DENND2B: variants seen among roughly 807,000 people sequenced by gnomAD.
DENND2B encodes DENN domain-containing protein 2B.
Under a neutral mutation model 116.0 loss-of-function variants are expected in DENND2B, and 32 were observed. The ratio of observed to expected loss-of-function variants is 0.28; its 90% CI spans 0.21 to 0.37. The LOEUF (loss-of-function observed/expected upper bound fraction) is 0.37, where lower values mean the gene tolerates loss of function less well. Among genes scored for constraint, DENND2B ranks in the 10% least tolerant of loss-of-function variants. The pLI, the probability that DENND2B is intolerant of heterozygous loss-of-function variation, is 1.00. For missense variants in DENND2B, 1,276 were observed against 1,477.7 expected (o/e 0.86, Z 2.24); for synonymous variants, 588 against 583.9 (o/e 1.01, Z -0.10).
intron 1 of DENND2B, among the ~76,000 whole-genome samples, chr11:8,777,239 C>A (rs765626761): frequency 1.7e-4 from 26 of 152,110 alleles, no homozygotes; most frequent in Non-Finnish European, 3.4e-4. Flanking sequence ...GCCACCCCCA[C>A]CCAGGCACCC....
intron 4 of DENND2B, among the ~76,000 whole-genome samples, chr11:8,719,494 C>T (rs2045756509): frequency 6.6e-6 from 1 of 152,198 alleles, no homozygotes; most frequent in Admixed American, 6.5e-5. Flanking sequence ...CAGACCTTTT[C>T]CTGTAACACA....
chr11:8,722,415 G>A (rs2046345225), intron 4 of DENND2B, among the ~76,000 whole-genome samples: 2 of 152,178 alleles, frequency 1.3e-5, no homozygotes, highest in Admixed American at 1.3e-4. Context: ...TGATCCAGCG[G>A]GGTCAGAGTC....
At chr11:8,806,588 C>A (rs531875193) in intron 1 of DENND2B, among the ~76,000 whole-genome samples, 3 of 31,718 alleles carry the variant, frequency 9.5e-5, no homozygotes, top group Non-Finnish European at 2.7e-4. Context: ...TCATTTAACA[C>A]CCTCCTCTCC....
At position 8,715,591 on chromosome 11, in the gene DENND2B, T is replaced by G. The variant is rs2044605041; in HGVS notation, c.1845+12A>C. On this transcript the variant is annotated intron_variant, in intron 6 of 19. Transcript: ENST00000313726. Reference sequence around the variant, plus strand: ...CTGCCCGGCTCCAGTGGGCTGCCTCTGGGGAGGGTACCTTGGGAATGCGGC... The same window carrying G: ...CTGCCCGGCTCCAGTGGGCTGCCTCGGGGGAGGGTACCTTGGGAATGCGGC... The G allele has an allele frequency of 6.2e-7, 1 of 1,611,292 alleles. No homozygotes were observed. Among genetic ancestry groups the G allele is most frequent in the South Asian group, 1.1e-5 (1 of 90,910 alleles).
At chr11:8,799,941 T>C (rs897662537) in intron 1 of DENND2B, among the ~76,000 whole-genome samples, 4 of 147,322 alleles carry the variant, frequency 2.7e-5, no homozygotes, top group African/African-American at 1.0e-4. Flanking sequence ...TTATTATTAT[T>C]ATTATTATTA....
intron 4 of DENND2B, among the ~76,000 whole-genome samples, chr11:8,837,694 TC>T (rs2062483870): frequency 6.6e-6 from 1 of 152,048 alleles, no homozygotes; most frequent in Non-Finnish European, 1.5e-5. Context: ...CCAAATACCC[TC>T]CCCTTCCTTG....
At chr11:8,860,169 A>T (rs2063344856) in intron 2 of DENND2B, among the ~76,000 whole-genome samples, 1 of 152,206 alleles carries the variant, frequency 6.6e-6, no homozygotes, top group Non-Finnish European at 1.5e-5. Flanking sequence ...TTATAAAATG[A>T]CCTTAGGAAG....
chr11:8,731,089 G>C lies in DENND2B; in HGVS notation c.201C>G (p.Leu67=). Residue 67 remains leucine (L), a synonymous_variant, in exon 3 of 20, where the codon CTC becomes CTG. Coordinates refer to ENST00000313726, the MANE Select transcript of DENND2B (RefSeq NM_213618.2). Reference sequence around the variant, plus strand: ...AAGGAGCTGGGGGGTGCCGGTCCTTGAGGAGCACCCGGGAGCTGGAGTGGC... The same window carrying C: ...AAGGAGCTGGGGGGTGCCGGTCCTTCAGGAGCACCCGGGAGCTGGAGTGGC... The part of the protein sequence containing the change: ...YPSHSSSRVL[L]KDRHPPAPSP... The C allele has an allele frequency of 6.2e-7, 1 of 1,611,992 alleles. No individual in the cohort carries two copies. The highest frequency in any genetic ancestry group is 1.1e-5 in the South Asian group (1 of 90,902).
intron 1 of DENND2B, among the ~76,000 whole-genome samples, chr11:8,759,438 T>C (rs144602214): frequency 9.2e-4 from 140 of 152,142 alleles, no homozygotes; most frequent in Admixed American, 3.9e-3. Flanking sequence ...GCACTCTGCT[T>C]TATAGCCGAG....
chr11:8,848,625 GTAAAT>G (rs1418993241), intron 3 of DENND2B, among the ~76,000 whole-genome samples: 1 of 152,096 alleles, frequency 6.6e-6, no homozygotes, highest in Non-Finnish European at 1.5e-5. Context: ...ATATTATTGG[GTAAAT>G]AACATAATGT....
chr11:8,817,066 GAAGA>G lies in DENND2B; in HGVS notation c.-114-5735_-114-5732del, dbSNP rs201799001. ...TCCTGCCTAAGGAGGGCTGGACAGA[GAAGA>G]AAGGTGCTAAATTACAGAATGGGGA... On this transcript the variant is annotated intron_variant, in intron 4 of 6. Transcript: ENST00000524757. 5.9e-3 allele frequency among the ~76,000 whole-genome samples: 901 copies of G among 152,316 alleles called. 17 individuals carry two copies. Among genetic ancestry groups the G allele is most frequent in the Admixed American group, 0.038 (587 of 15,304 alleles).
At chr11:8,773,173 C>T (rs926983193) in intron 1 of DENND2B, among the ~76,000 whole-genome samples, 1 of 152,270 alleles carries the variant, frequency 6.6e-6, no homozygotes. Context: ...ACTGCAGACC[C>T]CTTTCCCTTA....
At chr11:8,866,621 T>G (rs1594301190) in intron 2 of DENND2B, among the ~76,000 whole-genome samples, 2 of 152,190 alleles carry the variant, frequency 1.3e-5, no homozygotes, top group South Asian at 4.1e-4. Flanking sequence ...GGAACCAAGG[T>G]GCTAATCAGG....
At chr11:8,854,733 G>T (rs934415422) in intron 3 of DENND2B, among the ~76,000 whole-genome samples, 1 of 151,922 alleles carries the variant, frequency 6.6e-6, no homozygotes, top group Admixed American at 6.6e-5. Context: ...TCTTTTTCCA[G>T]ACAGAGTCTC....
chr11:8,858,379 G>C (rs551572981), intron 2 of DENND2B, among the ~76,000 whole-genome samples: 2 of 152,208 alleles, frequency 1.3e-5, no homozygotes, highest in South Asian at 2.1e-4. Context: ...AAAAAGAAAG[G>C]AGGGGATTAA....
intron 3 of DENND2B, among the ~76,000 whole-genome samples, chr11:8,841,768 G>A (rs764897630): frequency 1.3e-5 from 2 of 152,198 alleles, no homozygotes; most frequent in African/African-American, 4.8e-5. Flanking sequence ...CACCACCATG[G>A]ACTACATGAC....
intron 16 of DENND2B, among the ~76,000 whole-genome samples, chr11:8,698,368 A>G (rs2040837730): frequency 6.6e-6 from 1 of 152,148 alleles, no homozygotes; most frequent in Non-Finnish European, 1.5e-5. Flanking sequence ...CTGTGTCCAC[A>G]TCACTATGCC....
intron 2 of DENND2B, among the ~76,000 whole-genome samples, chr11:8,742,676 T>C (rs1289731209): frequency 2.0e-5 from 3 of 152,238 alleles, no homozygotes; most frequent in Non-Finnish European, 2.9e-5. Flanking sequence ...GTTTCGTTGT[T>C]AAAATTTAAA....
At chr11:8,835,300 G>A (rs538563458) in intron 4 of DENND2B, among the ~76,000 whole-genome samples, 10 of 152,284 alleles carry the variant, frequency 6.6e-5, no homozygotes, top group African/African-American at 1.7e-4. Flanking sequence ...CCTGGAAGAA[G>A]GGCAGGTTAA....
Sources: allele counts gnomAD v4.1 joint callset (sites outside exome capture counted in the v4.1 genomes callset), GRCh38; gene constraint gnomAD v4.1.1; transcripts MANE v1.5; gene names NCBI Gene and HGNC (gene_info 2026-07-23, HGNC 2026-07-21).